Variants in CCNY observed in about 807,000 individuals in gnomAD.
CCNY encodes cyclin-Y.
In CCNY, 19 loss-of-function variants were observed where a neutral mutation model predicts 42.8. The observed-to-expected ratio is 0.44, with a 90% CI of 0.31 to 0.65. CCNY has a LOEUF of 0.65. Ranked by LOEUF, CCNY falls within the 30% of genes least tolerant of loss-of-function variation. CCNY has a pLI of 0.07. For synonymous variants in CCNY, 165 were observed against 162.7 expected, an observed-to-expected ratio of 1.01 and a Z score of -0.11; for missense variants, 370 against 437.3, an observed-to-expected ratio of 0.85 and a Z score of 1.37.
At chr10:35,337,429 C>G (rs578058576) in intron 1 of CCNY, among the ~76,000 whole-genome samples, 1 of 152,190 alleles carries the variant, frequency 6.6e-6, no homozygotes, top group Non-Finnish European at 1.5e-5. Flanking sequence ...TGCAGGCCCG[C>G]GGCATCGAGC....
chr10:35,253,993 A>G (rs1018281475), intron 3 of CCNY, among the ~76,000 whole-genome samples: 3 of 149,724 alleles, frequency 2.0e-5, no homozygotes, highest in Admixed American at 6.8e-5. Flanking sequence ...CTCCTGCCTC[A>G]GCCTCCTGAG....
At chr10:35,266,034 G>C (rs1589006932) in intron 3 of CCNY, among the ~76,000 whole-genome samples, 1 of 152,052 alleles carries the variant, frequency 6.6e-6, no homozygotes, top group East Asian at 1.9e-4. Context: ...AAAGATGACA[G>C]AAAAGAATTT....
chr10:35,564,411 C>T (rs1841526361), intron 8 of CCNY, among the ~76,000 whole-genome samples: 1 of 152,136 alleles, frequency 6.6e-6, no homozygotes, highest in African/African-American at 2.4e-5. Context: ...CCCAGCCTCC[C>T]CACCCGCCTC....
At chr10:35,509,976 T>C (rs1157165042) in intron 3 of CCNY, among the ~76,000 whole-genome samples, 3 of 152,172 alleles carry the variant, frequency 2.0e-5, no homozygotes. Flanking sequence ...TCCCCTCCAC[T>C]TCTGCACTCC....
At chr10:35,291,836 G>C (rs1379698491) in intron 3 of CCNY, among the ~76,000 whole-genome samples, 1 of 152,074 alleles carries the variant, frequency 6.6e-6, no homozygotes, top group Non-Finnish European at 1.5e-5. Flanking sequence ...TGCCCAGCTT[G>C]TGTATGACTT....
intron 3 of CCNY, among the ~76,000 whole-genome samples, chr10:35,251,887 C>G (rs1321312233): frequency 2.0e-5 from 3 of 152,148 alleles, no homozygotes; most frequent in South Asian, 2.1e-4. Flanking sequence ...CTGTGGCCAG[C>G]CTTCAACACA....
chr10:35,507,709 G>T (rs1042262068), intron 3 of CCNY, among the ~76,000 whole-genome samples: 2 of 151,932 alleles, frequency 1.3e-5, no homozygotes, highest in Non-Finnish European at 2.9e-5. Flanking sequence ...TGGCATGCAC[G>T]CTCTATGTCC....
In CCNY at chr10:35,571,664, T is replaced by C. The variant is rs942344668; in HGVS notation, c.*2494T>C. The stretch of plus-strand genomic sequence containing the variant: ...GATGATGAATAGTTATGTTTTCTTC[T>C]CTGATTTGTTCAAAGTTTGCCAAAA... On this transcript the variant is annotated 3_prime_UTR_variant, in exon 10 of 10. Coordinates refer to ENST00000374704, the MANE Select transcript of CCNY (RefSeq NM_145012.6). 2.6e-5 allele frequency: 4 copies of C among 152,500 alleles called. No individual in the cohort carries two copies. Among genetic ancestry groups the C allele is most frequent in the African/African-American group, 9.6e-5 (4 of 41,596 alleles). 9.4% of individuals were successfully genotyped at this position (152,500 alleles called of 1,614,324 possible).
At chr10:35,488,121 C>G (rs1379972145) in intron 2 of CCNY, among the ~76,000 whole-genome samples, 1 of 152,192 alleles carries the variant, frequency 6.6e-6, no homozygotes, top group Non-Finnish European at 1.5e-5. Flanking sequence ...ATCTGTGTTT[C>G]TCAGGAGTCC....
At chr10:35,341,002 T>A (rs1836168019) in intron 1 of CCNY, among the ~76,000 whole-genome samples, 1 of 152,174 alleles carries the variant, frequency 6.6e-6, no homozygotes, top group Non-Finnish European at 1.5e-5. Flanking sequence ...TCTCCCTGCT[T>A]CCACCCTTGC....
At chr10:35,420,639 A>G (rs1457813752) in intron 1 of CCNY, among the ~76,000 whole-genome samples, 6 of 152,212 alleles carry the variant, frequency 3.9e-5, no homozygotes, top group Non-Finnish European at 8.8e-5. Flanking sequence ...GGAAGTCGCA[A>G]TCTCACACCA....
chr10:35,305,493 T>C (rs1251264889), intron 3 of CCNY, among the ~76,000 whole-genome samples: 3 of 152,212 alleles, frequency 2.0e-5, no homozygotes, highest in Non-Finnish European at 4.4e-5. Context: ...GCTGATACTG[T>C]GTTCACTGTA....
Position 35,539,177 on chromosome 10 carries a change from T to C in CCNY, c.579+8934T>C, listed in dbSNP as rs561057370. Among the ~76,000 whole-genome samples, 33 of 152,352 alleles carry C rather than the reference T, an allele frequency of 2.2e-4. No homozygotes were observed. In the South Asian group the frequency reaches 6.2e-3, roughly 29 times the overall value. On this transcript the variant is annotated intron_variant, in intron 7 of 9. Transcript: ENST00000374704. ...GATTACCATAGATTTGAAGTTGAAATTGGAAAGTATGAGTCTCCAGCTTTT... is the reference window on the plus strand; with the variant it reads ...GATTACCATAGATTTGAAGTTGAAACTGGAAAGTATGAGTCTCCAGCTTTT...
At chr10:35,370,711 A>G (rs1443587366) in intron 1 of CCNY, among the ~76,000 whole-genome samples, 2 of 151,472 alleles carry the variant, frequency 1.3e-5, no homozygotes, top group African/African-American at 4.9e-5. Flanking sequence ...CTTGGATAAA[A>G]CTATTTTATT....
At chr10:35,457,391 C>G (rs1289439753) in intron 1 of CCNY, among the ~76,000 whole-genome samples, 2 of 152,196 alleles carry the variant, frequency 1.3e-5, no homozygotes, top group African/African-American at 2.4e-5. Flanking sequence ...CGTGTGTACA[C>G]CTGCCCGTCC....
intron 1 of CCNY, chr10:35,449,724 C>A: frequency 1.0e-6 from 1 of 984,238 alleles, no homozygotes; most frequent in African/African-American, 1.7e-5. Context: ...CAGAGAGGTG[C>A]AGGGAGCAGA....
At chr10:35,406,655 C>T (rs111627562) in intron 1 of CCNY, among the ~76,000 whole-genome samples, 29 of 152,338 alleles carry the variant, frequency 1.9e-4, no homozygotes, top group African/African-American at 6.0e-4. Flanking sequence ...GGCAACCATC[C>T]GATTTCTCAG....
chr10:35,509,230 T>A (rs1427872036), intron 3 of CCNY, among the ~76,000 whole-genome samples: 2 of 152,180 alleles, frequency 1.3e-5, no homozygotes, highest in Non-Finnish European at 2.9e-5. Flanking sequence ...CCTTCTGCTT[T>A]AGTCTTGCTG....
intron 1 of CCNY, among the ~76,000 whole-genome samples, chr10:35,385,878 A>C (rs894477027): frequency 6.6e-6 from 1 of 152,220 alleles, no homozygotes; most frequent in South Asian, 2.1e-4. Flanking sequence ...AAAGGTCAGC[A>C]TCATCTTAGG....
Sources: gnomAD v4.1 joint callset for allele counts (sites outside exome capture counted in the v4.1 genomes callset) on GRCh38, gnomAD v4.1.1 for gene constraint, MANE v1.5 for transcripts, NCBI Gene and HGNC (gene_info 2026-07-23, HGNC 2026-07-21) for gene names.